Variants in CNTN4 observed in about 807,000 individuals in gnomAD.
The protein encoded by CNTN4 is contactin-4.
CNTN4 carries 77 observed loss-of-function variants against 122.5 expected under a neutral mutation model. The ratio of observed to expected loss-of-function variants is 0.63; its 90% CI spans 0.52 to 0.76. CNTN4 has a LOEUF of 0.76. Ranked by LOEUF, CNTN4 falls within the 30% of genes least tolerant of loss-of-function variation. The probability of loss-of-function intolerance (pLI) is 0.00; values close to 1 mark genes in which losing one functional copy is unlikely to be tolerated. For missense variants in CNTN4, 1,256 were observed against 1,259.1 expected, an observed-to-expected ratio of 1.00 and a Z score of 0.04; for synonymous variants, 512 against 447.0, an observed-to-expected ratio of 1.15 and a Z score of -1.83.
intron 3 of CNTN4, among the ~76,000 whole-genome samples, chr3:2,540,370 G>A (rs759164109): frequency 2.6e-5 from 4 of 151,960 alleles, no homozygotes; most frequent in African/African-American, 7.3e-5. Flanking sequence ...CATGTGTCTC[G>A]TGGGCATGGA....
intron 3 of CNTN4, among the ~76,000 whole-genome samples, chr3:2,444,371 A>G (rs1050520288): frequency 6.6e-6 from 1 of 152,140 alleles, no homozygotes; most frequent in African/African-American, 2.4e-5. Flanking sequence ...TCTCTGAGGA[A>G]GGGATGCAGA....
At chr3:2,646,684 T>G (rs551806261) in intron 4 of CNTN4, among the ~76,000 whole-genome samples, 17 of 152,302 alleles carry the variant, frequency 1.1e-4, no homozygotes, top group African/African-American at 4.1e-4. Context: ...GGAATTAATT[T>G]TTTCATAGTT....
At chr3:2,191,709 T>TATATACACAC (rs1553599242) in intron 2 of CNTN4, among the ~76,000 whole-genome samples, 10 of 150,834 alleles carry the variant, frequency 6.6e-5, no homozygotes, top group African/African-American at 2.5e-4. Flanking sequence ...TATATATATA[T>TATATACACAC]ACACACACAC....
At chr3:2,622,305 G>A (rs1441956570) in intron 4 of CNTN4, among the ~76,000 whole-genome samples, 1 of 152,148 alleles carries the variant, frequency 6.6e-6, no homozygotes, top group East Asian at 1.9e-4. Context: ...GTCTGCCAGA[G>A]TAGCATTACT....
intron 6 of CNTN4, among the ~76,000 whole-genome samples, chr3:2,753,185 G>T (rs2090173498): frequency 6.6e-6 from 1 of 152,132 alleles, no homozygotes; most frequent in Non-Finnish European, 1.5e-5. Flanking sequence ...GTATACCTAA[G>T]TATAGTTGAT....
chr3:2,656,883 C>T (rs149021577), intron 4 of CNTN4, among the ~76,000 whole-genome samples: 37 of 152,278 alleles, frequency 2.4e-4, no homozygotes, highest in African/African-American at 8.9e-4. Flanking sequence ...TGGTTTGCCT[C>T]AGAGTTCAGG....
chr3:2,706,024 A>G (rs1267347256), intron 4 of CNTN4, among the ~76,000 whole-genome samples: 2 of 142,834 alleles, frequency 1.4e-5, no homozygotes, highest in East Asian at 2.0e-4. Context: ...ATAAATATAC[A>G]TATTTATATA....
At chr3:2,467,085 G>T (rs1280966770) in intron 3 of CNTN4, among the ~76,000 whole-genome samples, 12 of 141,754 alleles carry the variant, frequency 8.5e-5, no homozygotes. Context: ...AAGTCTTCCA[G>T]TATCGCTAAT....
Position 2,769,390 on chromosome 3 carries a change from G to A in CNTN4, c.358+23693G>A, listed in dbSNP as rs190803707. ...TGAGGCAGAAGAATCACTTGAACCCGGGAGGCAGAGGTTGCCATGAGCCGA... is the reference window on the plus strand; with the variant it reads ...TGAGGCAGAAGAATCACTTGAACCCAGGAGGCAGAGGTTGCCATGAGCCGA... On this transcript the variant is annotated intron_variant, in intron 6 of 24. Transcript: ENST00000418658. 8.8e-4 allele frequency among the ~76,000 whole-genome samples: 133 copies of A among 151,704 alleles called. 1 individual carries two copies. Among genetic ancestry groups the A allele is most frequent in the African/African-American group, 3.0e-3 (125 of 41,338 alleles).
intron 13 of CNTN4, among the ~76,000 whole-genome samples, chr3:2,968,169 A>G (rs1452992680): frequency 2.6e-5 from 4 of 152,244 alleles, no homozygotes; most frequent in Non-Finnish European, 5.9e-5. Context: ...ATCTGTGGGC[A>G]TGACCATATT....
At chr3:2,517,357 A>G (rs563003047) in intron 3 of CNTN4, among the ~76,000 whole-genome samples, 1 of 152,232 alleles carries the variant, frequency 6.6e-6, no homozygotes, top group South Asian at 2.1e-4. Flanking sequence ...ACAGGCTGCC[A>G]GTAAATTACC....
At chr3:3,045,694 A>C (rs931845597) in intron 23 of CNTN4, among the ~76,000 whole-genome samples, 5 of 152,236 alleles carry the variant, frequency 3.3e-5, no homozygotes, top group African/African-American at 1.2e-4. Context: ...TAGAGCAGAA[A>C]AACTGAAAAT....
At chr3:2,522,912 T>A (rs2149164886) in intron 3 of CNTN4, among the ~76,000 whole-genome samples, 1 of 152,274 alleles carries the variant, frequency 6.6e-6, no homozygotes, top group East Asian at 1.9e-4. Flanking sequence ...AAGTACTAGA[T>A]TGATAGCTCT....
intron 2 of CNTN4, among the ~76,000 whole-genome samples, chr3:2,109,812 T>C (rs2032804660): frequency 1.3e-5 from 2 of 152,240 alleles, no homozygotes; most frequent in Admixed American, 1.3e-4. Flanking sequence ...TAGCTAGATA[T>C]TGATTCTAGA....
intron 13 of CNTN4, among the ~76,000 whole-genome samples, chr3:2,932,076 G>T (rs551095596): frequency 1.3e-5 from 2 of 152,016 alleles, no homozygotes; most frequent in African/African-American, 4.8e-5. Flanking sequence ...TGGGAGTTTG[G>T]CTTAAACAGT....
At chr3:2,450,627 A>T (rs529966029) in intron 3 of CNTN4, among the ~76,000 whole-genome samples, 62 of 150,972 alleles carry the variant, frequency 4.1e-4, no homozygotes, top group African/African-American at 1.5e-3. Context: ...TTTACCGGTT[A>T]AAAAAAAAGA....
chr3:2,463,541 C>T (rs1021776891), intron 3 of CNTN4, among the ~76,000 whole-genome samples: 1 of 152,130 alleles, frequency 6.6e-6, no homozygotes, highest in Non-Finnish European at 1.5e-5. Context: ...GGATGGATCA[C>T]CTGAGGTCAG....
At chr3:2,873,887 C>A (rs1176123852) in intron 8 of CNTN4, among the ~76,000 whole-genome samples, 1 of 152,138 alleles carries the variant, frequency 6.6e-6, no homozygotes, top group Non-Finnish European at 1.5e-5. Flanking sequence ...AGAGTTTATA[C>A]CAAAACACTG....
At position 2,736,330 on chromosome 3, in the gene CNTN4, A is replaced by G. The variant is rs2089085789; in HGVS notation, c.171A>G (p.Lys57=). The change falls in exon 5 of 25, where the codon AAA becomes AAG. Residue 57 remains lysine (K), a synonymous_variant. Coordinates refer to ENST00000418658, the MANE Select transcript of CNTN4 (RefSeq NM_175607.3). ...KLNCEVKGNP[K]PHIRWKLNGT... ...ATTGTGAAGTTAAAGGAAATCCAAAACCTCATATCAGGTTTGTTGATGTAA... is the reference window on the plus strand; with the variant it reads ...ATTGTGAAGTTAAAGGAAATCCAAAGCCTCATATCAGGTTTGTTGATGTAA... 6.2e-7 allele frequency: 1 copy of G among 1,613,568 alleles called. No individual in the cohort carries two copies. Among genetic ancestry groups the G allele is most frequent in the Non-Finnish European group, 8.5e-7 (1 of 1,179,772 alleles).
Sources: allele counts gnomAD v4.1 joint callset (sites outside exome capture counted in the v4.1 genomes callset), GRCh38; gene constraint gnomAD v4.1.1; transcripts MANE v1.5; gene names NCBI Gene and HGNC (gene_info 2026-07-23, HGNC 2026-07-21).